The following MACROD2 variants were observed in gnomAD, a reference collection of about 807,000 sequenced individuals.
MACROD2 encodes ADP-ribose glycohydrolase MACROD2.
A neutral mutation model predicts 70.4 loss-of-function variants in MACROD2; 36 were observed. That is an observed-to-expected ratio of 0.51 (90% CI 0.39 to 0.68). The LOEUF (loss-of-function observed/expected upper bound fraction) is 0.68, where lower values mean the gene tolerates loss of function less well. Ranked by LOEUF, MACROD2 falls within the 30% of genes least tolerant of loss-of-function variation. The pLI is 0.00. For missense variants in MACROD2, 496 were observed against 538.4 expected (o/e 0.92, Z 0.78); for synonymous variants, 172 against 178.8 (o/e 0.96, Z 0.30).
chr20:14,922,985 G>T (rs1313871164), intron 5 of MACROD2, among the ~76,000 whole-genome samples: 1 of 152,120 alleles, frequency 6.6e-6, no homozygotes, highest in Non-Finnish European at 1.5e-5. Context: ...TTCTACAAAG[G>T]CTGTTGCTTT....
At chr20:15,418,658 A>G (rs559014155) in intron 6 of MACROD2, among the ~76,000 whole-genome samples, 1 of 152,328 alleles carries the variant, frequency 6.6e-6, no homozygotes, top group South Asian at 2.1e-4. Context: ...ATTGACTCAA[A>G]GCCAAGGATC....
rs181464037 is a variant in MACROD2, at chr20:15,957,562, T to C, written c.908-9991T>C. Among the ~76,000 whole-genome samples, 534 of 152,304 alleles carry C rather than the reference T, an allele frequency of 3.5e-3. 5 individuals carry two copies. The highest frequency in any genetic ancestry group is 0.012 in the African/African-American group (515 of 41,572). ...GTCCCTGCTCAATGCCATCCTCTCCTGTTCTCAGCTGACTTTGGACTAATC... is the reference window on the plus strand; with the variant it reads ...GTCCCTGCTCAATGCCATCCTCTCCCGTTCTCAGCTGACTTTGGACTAATC... On this transcript the variant is annotated intron_variant, in intron 12 of 17. Coordinates refer to ENST00000684519, the MANE Select transcript of MACROD2 (RefSeq NM_001351661.2).
chr20:14,164,785 G>A (rs1035798021), intron 3 of MACROD2, among the ~76,000 whole-genome samples: 16 of 152,164 alleles, frequency 1.1e-4, no homozygotes, highest in African/African-American at 3.9e-4. Flanking sequence ...ATCTTCAGGT[G>A]GGGTTTGACG....
At chr20:14,051,172 A>G (rs1254344921) in intron 2 of MACROD2, among the ~76,000 whole-genome samples, 1 of 152,168 alleles carries the variant, frequency 6.6e-6, no homozygotes, top group Non-Finnish European at 1.5e-5. Context: ...AACACTAATA[A>G]TGGTTACCTT....
intron 4 of MACROD2, among the ~76,000 whole-genome samples, chr20:14,570,783 T>C (rs1980140651): frequency 6.6e-6 from 1 of 152,048 alleles, no homozygotes; most frequent in Non-Finnish European, 1.5e-5. Context: ...GTTTAGTCTG[T>C]TTAAGATGGG....
At chr20:15,312,742 T>C (rs1223575924) in intron 6 of MACROD2, among the ~76,000 whole-genome samples, 1 of 152,140 alleles carries the variant, frequency 6.6e-6, no homozygotes, top group Non-Finnish European at 1.5e-5. Context: ...GACTTGGAGG[T>C]GTTTTAGGAA....
intron 8 of MACROD2, among the ~76,000 whole-genome samples, chr20:15,860,957 A>T (rs992951973): frequency 2.0e-5 from 3 of 152,230 alleles, no homozygotes; most frequent in African/African-American, 7.2e-5. Context: ...AAGAAAATAT[A>T]TGATCACTCC....
chr20:14,837,148 A>G (rs1246001824), intron 5 of MACROD2, among the ~76,000 whole-genome samples: 1 of 152,064 alleles, frequency 6.6e-6, no homozygotes, highest in Non-Finnish European at 1.5e-5. Context: ...GGAAGTGTTT[A>G]TTATGTATGC....
intron 3 of MACROD2, among the ~76,000 whole-genome samples, chr20:14,381,323 A>G (rs1212636328): frequency 6.6e-6 from 1 of 152,182 alleles, no homozygotes; most frequent in Non-Finnish European, 1.5e-5. Context: ...ATTAAAGTGA[A>G]GTGATTCTAA....
intron 7 of MACROD2, among the ~76,000 whole-genome samples, chr20:15,498,690 A>G (rs1038864946): frequency 6.6e-6 from 1 of 152,232 alleles, no homozygotes; most frequent in African/African-American, 2.4e-5. Flanking sequence ...GTGACCGTTA[A>G]TGGGTACAGA....
At chr20:15,172,068 A>G (rs749476743) in intron 5 of MACROD2, among the ~76,000 whole-genome samples, 1 of 152,212 alleles carries the variant, frequency 6.6e-6, no homozygotes, top group Non-Finnish European at 1.5e-5. Context: ...TTCTTAAAAG[A>G]CCTAAGCTCA....
chr20:15,192,327 T>C lies in MACROD2; in HGVS notation c.419-37613T>C, dbSNP rs948718351. 2.0e-5 allele frequency among the ~76,000 whole-genome samples: 3 copies of C among 152,218 alleles called. No individual in the cohort carries two copies. In the East Asian group the frequency reaches 5.8e-4, roughly 29 times the overall value. On this transcript the variant is annotated intron_variant, in intron 5 of 17. Coordinates refer to ENST00000684519, the MANE Select transcript of MACROD2 (RefSeq NM_001351661.2). ...TAGTAGCTCTCTGTCAATTACATTTTAATTCACAACCTTTTCATAATTTTC... is the reference window on the plus strand; with the variant it reads ...TAGTAGCTCTCTGTCAATTACATTTCAATTCACAACCTTTTCATAATTTTC...
At chr20:14,116,928 G>T (rs568218479) in intron 3 of MACROD2, among the ~76,000 whole-genome samples, 1 of 151,998 alleles carries the variant, frequency 6.6e-6, no homozygotes, top group Non-Finnish European at 1.5e-5. Context: ...TTAGCCAGTT[G>T]TGGTGGCATG....
At chr20:14,233,690 C>T (rs1273575984) in intron 3 of MACROD2, among the ~76,000 whole-genome samples, 20 of 111,282 alleles carry the variant, frequency 1.8e-4, no homozygotes, top group Non-Finnish European at 2.9e-4. Context: ...GAGCGAGACT[C>T]CGTCTCACAA....
intron 2 of MACROD2, among the ~76,000 whole-genome samples, chr20:14,037,781 G>C (rs1308484679): frequency 5.3e-5 from 8 of 151,986 alleles, no homozygotes; most frequent in Admixed American, 2.6e-4. Context: ...CTTGGGAGGA[G>C]GCTGAGGCGG....
intron 5 of MACROD2, among the ~76,000 whole-genome samples, chr20:14,953,329 A>G (rs912583564): frequency 1.3e-5 from 2 of 152,108 alleles, no homozygotes; most frequent in Non-Finnish European, 2.9e-5. Flanking sequence ...TGTTTGAGAC[A>G]GGAGTCTCTC....
intron 8 of MACROD2, among the ~76,000 whole-genome samples, chr20:15,711,440 C>A (rs1220030223): frequency 6.6e-6 from 1 of 152,228 alleles, no homozygotes; most frequent in African/African-American, 2.4e-5. Flanking sequence ...CACAGACTAA[C>A]CAAGCCTTAA....
intron 5 of MACROD2, among the ~76,000 whole-genome samples, chr20:14,744,488 CT>C (rs560757304): frequency 0.012 from 1,842 of 151,908 alleles, 40 homozygotes; most frequent in African/African-American, 0.042. Context: ...ACTGTCTTAG[CT>C]TTTTTTCAAG....
At chr20:15,887,209 A>G (rs1054620348) in intron 10 of MACROD2, among the ~76,000 whole-genome samples, 2 of 152,084 alleles carry the variant, frequency 1.3e-5, no homozygotes, top group African/African-American at 4.8e-5. Flanking sequence ...CCCTCCCCGG[A>G]CTGCCCACTA....
Sources: allele counts gnomAD v4.1 joint callset (sites outside exome capture counted in the v4.1 genomes callset), GRCh38; gene constraint gnomAD v4.1.1; transcripts MANE v1.5; gene names NCBI Gene and HGNC (gene_info 2026-07-23, HGNC 2026-07-21).